Variants in LINGO2 observed in about 807,000 individuals in gnomAD.
LINGO2 encodes leucine rich repeat and Ig domain containing 2.
In LINGO2, 14 loss-of-function variants were observed where a neutral mutation model predicts 30.6. That is an observed-to-expected ratio of 0.46 (90% CI 0.30 to 0.72). LINGO2 has a LOEUF of 0.72. LINGO2 is among the 30% of genes least tolerant of loss of function. LINGO2 has a pLI of 0.07. For synonymous variants in LINGO2, 317 were observed against 288.5 expected (o/e 1.10, Z -1.00); for missense variants, 729 against 751.7 (o/e 0.97, Z 0.35).
intron 4 of LINGO2, among the ~76,000 whole-genome samples, chr9:28,111,353 T>C (rs1180695141): frequency 6.6e-6 from 1 of 151,758 alleles, no homozygotes; most frequent in Non-Finnish European, 1.5e-5. Flanking sequence ...TGTATACCTA[T>C]GTAACAAACC....
At chr9:29,097,194 G>C in the LINGO2 span, among the ~76,000 whole-genome samples, 2 of 138,402 alleles carry the variant, frequency 1.4e-5, 1 homozygote, top group Admixed American at 1.5e-4. Flanking sequence ...TTATACTTTA[G>C]AGAGGATTTT....
At chr9:28,330,898 A>T (rs1159260393) in intron 3 of LINGO2, among the ~76,000 whole-genome samples, 1 of 152,186 alleles carries the variant, frequency 6.6e-6, no homozygotes, top group Non-Finnish European at 1.5e-5. Flanking sequence ...ATTCTGCCTC[A>T]TTCAAAAAAT....
chr9:28,826,369 A>T, the LINGO2 span, among the ~76,000 whole-genome samples: 1 of 152,170 alleles, frequency 6.6e-6, no homozygotes, highest in African/African-American at 2.4e-5. Flanking sequence ...AATGAGAACT[A>T]AAAAGCCATA....
At chr9:28,828,435 C>T in the LINGO2 span, among the ~76,000 whole-genome samples, 386 of 152,164 alleles carry the variant, frequency 2.5e-3, 1 homozygote, top group African/African-American at 8.9e-3. Context: ...GAGATTATAA[C>T]AATTTCAAAT....
intron 1 of LINGO2, among the ~76,000 whole-genome samples, chr9:28,488,988 T>G (rs1020869243): frequency 6.6e-6 from 1 of 152,222 alleles, no homozygotes; most frequent in East Asian, 1.9e-4. Context: ...AAATAAATTA[T>G]TTTTATTTGT....
chr9:28,513,975 G>T (rs1195641164), intron 1 of LINGO2, among the ~76,000 whole-genome samples: 1 of 152,120 alleles, frequency 6.6e-6, no homozygotes, highest in Non-Finnish European at 1.5e-5. Context: ...CTCACTTCCT[G>T]TCTCTTTGTC....
chr9:28,930,644 G>A, the LINGO2 span, among the ~76,000 whole-genome samples: 1 of 152,124 alleles, frequency 6.6e-6, no homozygotes. This position sits in a 1 kb window ranked among gnomAD's most constrained non-coding sequence, Gnocchi z 4.2. Context: ...CTAACATGAT[G>A]CTATTACATA....
At chr9:28,700,384 G>C in the LINGO2 span, among the ~76,000 whole-genome samples, 1 of 151,762 alleles carries the variant, frequency 6.6e-6, no homozygotes, top group Non-Finnish European at 1.5e-5. Flanking sequence ...TATAGTTGGG[G>C]GTCACACATA....
At chr9:28,479,290 T>A (rs1825840641) in intron 1 of LINGO2, among the ~76,000 whole-genome samples, 1 of 151,952 alleles carries the variant, frequency 6.6e-6, no homozygotes, top group Admixed American at 6.6e-5. Context: ...AAGGGAAATT[T>A]AATTTTTTTT....
At chr9:27,943,895 C>T (rs1381224356), downstream of LINGO2, 1 of 152,088 alleles carries the variant, frequency 6.6e-6, no homozygotes, top group Non-Finnish European at 1.5e-5. Context: ...GGATGTTCTC[C>T]AGGGAGAAGG....
At chr9:28,494,627 T>A (rs1034325279) in intron 1 of LINGO2, among the ~76,000 whole-genome samples, 1 of 152,222 alleles carries the variant, frequency 6.6e-6, no homozygotes, top group Non-Finnish European at 1.5e-5. Context: ...TTGATGGACA[T>A]TTGGGTTGGT....
chr9:28,211,795 A>G (rs898374537), intron 4 of LINGO2, among the ~76,000 whole-genome samples: 2 of 151,276 alleles, frequency 1.3e-5, no homozygotes, highest in African/African-American at 4.8e-5. Flanking sequence ...TTAATTCAGG[A>G]GAGGTTGTCT....
At chr9:29,212,840 G>C in the LINGO2 span, among the ~76,000 whole-genome samples, 1 of 152,146 alleles carries the variant, frequency 6.6e-6, no homozygotes, top group Non-Finnish European at 1.5e-5. Flanking sequence ...CTCCTAACTT[G>C]ACTTAACCCC....
chr9:28,818,977 G>A, the LINGO2 span, among the ~76,000 whole-genome samples: 1 of 152,210 alleles, frequency 6.6e-6, no homozygotes, highest in South Asian at 2.1e-4. Context: ...AGCTAAAACA[G>A]TTGCTAAGCA....
chr9:28,039,183 A>G (rs759910100), intron 4 of LINGO2, among the ~76,000 whole-genome samples: 11 of 152,236 alleles, frequency 7.2e-5, no homozygotes, highest in Non-Finnish European at 1.5e-4. Context: ...GGCCGTGGGC[A>G]TCTACAAACT....
intron 3 of LINGO2, among the ~76,000 whole-genome samples, chr9:28,298,628 A>G (rs1216612954): frequency 6.6e-6 from 1 of 151,432 alleles, no homozygotes; most frequent in Non-Finnish European, 1.5e-5. Context: ...GGTTGTGGTG[A>G]GCCGAGATTG....
intron 2 of LINGO2, among the ~76,000 whole-genome samples, chr9:28,445,476 G>A (rs929043025): frequency 6.6e-6 from 1 of 152,156 alleles, no homozygotes; most frequent in Non-Finnish European, 1.5e-5. Context: ...GAAATAAACT[G>A]GAGAAATAGC....
At chr9:28,904,336 A>C in the LINGO2 span, among the ~76,000 whole-genome samples, 1 of 152,126 alleles carries the variant, frequency 6.6e-6, no homozygotes, top group Non-Finnish European at 1.5e-5. Flanking sequence ...TGCTACTTGT[A>C]CTCAACATAG....
At chr9:29,172,923 C>T in the LINGO2 span, among the ~76,000 whole-genome samples, 2 of 151,994 alleles carry the variant, frequency 1.3e-5, no homozygotes, top group Non-Finnish European at 2.9e-5. Flanking sequence ...TACATACACA[C>T]ACACACAACA....
Sources: allele counts gnomAD v4.1 joint callset (sites outside exome capture counted in the v4.1 genomes callset), GRCh38; gene constraint gnomAD v4.1.1; non-coding constraint Gnocchi (gnomAD v3.1); transcripts MANE v1.5; gene names NCBI Gene and HGNC (gene_info 2026-07-23, HGNC 2026-07-21).